The following DPYSL2 variants were observed in gnomAD, a reference collection of about 807,000 sequenced individuals.
DPYSL2 encodes the protein dihydropyrimidinase-related protein 2.
In DPYSL2, 13 loss-of-function variants were observed where a neutral mutation model predicts 69.9. The ratio of observed to expected loss-of-function variants is 0.19; its 90% CI spans 0.12 to 0.30. The LOEUF is 0.30. DPYSL2 is among the 10% of genes least tolerant of loss of function. The probability of loss-of-function intolerance (pLI) is 1.00; values close to 1 mark genes in which losing one functional copy is unlikely to be tolerated. For synonymous variants in DPYSL2, 326 were observed against 359.1 expected, an observed-to-expected ratio of 0.91 and a Z score of 1.04; for missense variants, 587 against 918.9, an observed-to-expected ratio of 0.64 and a Z score of 4.67.
chr8:26,612,224 T>A (rs59786362), intron 3 of DPYSL2, among the ~76,000 whole-genome samples: 11,024 of 152,190 alleles, frequency 0.072, 432 homozygotes, highest in Middle Eastern at 0.13. Flanking sequence ...CTGTCTGGGG[T>A]GACATCCTGA....
intron 11 of DPYSL2, among the ~76,000 whole-genome samples, chr8:26,649,160 G>A (rs1378495683): frequency 6.6e-6 from 1 of 152,178 alleles, no homozygotes; most frequent in East Asian, 1.9e-4. Flanking sequence ...ATAAATAAAC[G>A]GAGGCTTAGA....
At chr8:26,561,430 A>C (rs1034367911) in intron 1 of DPYSL2, among the ~76,000 whole-genome samples, 3 of 152,052 alleles carry the variant, frequency 2.0e-5, no homozygotes, top group Admixed American at 6.6e-5. Flanking sequence ...TTAAGCCCCA[A>C]CTTCTCACTT....
Position 26,629,206 on chromosome 8 carries a change from C to T in DPYSL2, c.1005+1266C>T, listed in dbSNP as rs545763530. ...ACATGTACACACAGACATAGGCACA[C>T]GCAGACAGGTAGGCACACAACAGAC... On this transcript the variant is annotated intron_variant, in intron 7 of 13. Transcript: ENST00000521913. 5.9e-5 allele frequency among the ~76,000 whole-genome samples: 9 copies of T among 151,884 alleles called. No homozygotes were observed. In the South Asian group the frequency reaches 1.2e-3, roughly 21 times the overall value.
At position 26,573,541 on chromosome 8, in the gene DPYSL2, C is replaced by T. The variant is rs576901200; in HGVS notation, c.355-8428C>T. On this transcript the variant is annotated intron_variant, in intron 1 of 13. Transcript: ENST00000521913. The stretch of plus-strand genomic sequence containing the variant: ...AAAATTAGCTGGGCGTGGTGGTAGG[C>T]ACCTGTAGTCCCAGCTACTCAGAGG... 1.1e-3 allele frequency among the ~76,000 whole-genome samples: 165 copies of T among 151,944 alleles called. 1 individual carries two copies. Among genetic ancestry groups the T allele is most frequent in the African/African-American group, 3.6e-3 (148 of 41,444 alleles).
Position 26,580,213 on chromosome 8 carries a change from G to A in DPYSL2, c.355-1756G>A, listed in dbSNP as rs1443427108. On this transcript the variant is annotated intron_variant, in intron 1 of 13. Transcript: ENST00000521913. The surrounding 1 kb of genome is among the most constrained non-coding windows in gnomAD (Gnocchi z 4.1). The stretch of plus-strand genomic sequence containing the variant: ...GGAGGCCTCTCCTTGCCTTCCAGGT[G>A]ATATTTATTCCATGGAAGCTTAGAG... Among the ~76,000 whole-genome samples the A allele has an allele frequency of 6.6e-6, 1 of 152,184 alleles. No homozygotes were observed. The highest frequency in any genetic ancestry group is 1.5e-5 in the Non-Finnish European group (1 of 68,036).
intron 7 of DPYSL2, among the ~76,000 whole-genome samples, chr8:26,632,134 G>A (rs1264337061): frequency 3.9e-5 from 6 of 152,140 alleles, no homozygotes; most frequent in African/African-American, 1.4e-4. Flanking sequence ...CACCCAGTAG[G>A]ATTTTCCCTC....
chr8:26,550,557 A>AATATAAAC (rs1800857817), intron 1 of DPYSL2, among the ~76,000 whole-genome samples: 1 of 152,118 alleles, frequency 6.6e-6, no homozygotes, highest in Non-Finnish European at 1.5e-5. Context: ...ACCCACCCTA[A>AATATAAAC]ATATAAAAAT....
chr8:26,542,057 G>A (rs531622673), intron 1 of DPYSL2, among the ~76,000 whole-genome samples: 1 of 152,288 alleles, frequency 6.6e-6, no homozygotes, highest in South Asian at 2.1e-4. Context: ...GATTGCTTGA[G>A]CCCAGGAGTT....
In DPYSL2 at chr8:26,610,698, C is replaced by T. The variant is rs78267081; in HGVS notation, c.629-13445C>T. On this transcript the variant is annotated intron_variant, in intron 3 of 13. Coordinates refer to ENST00000521913, the MANE Select transcript of DPYSL2 (RefSeq NM_001197293.3). This position sits in a 1 kb window ranked among gnomAD's most constrained non-coding sequence, Gnocchi z 4.5. ...CATAGAAGGGTGCATCTCGTCTCCC[C>T]ACAACAGCACTGGAAGGTGCTAGAA... 7.1e-3 allele frequency among the ~76,000 whole-genome samples: 1,075 copies of T among 152,280 alleles called. 4 individuals carry two copies. The highest frequency in any genetic ancestry group is 0.012 in the Non-Finnish European group (814 of 68,024).
At chr8:26,602,074 A>G (rs1196988249) in intron 3 of DPYSL2, among the ~76,000 whole-genome samples, 1 of 152,040 alleles carries the variant, frequency 6.6e-6, no homozygotes. Context: ...TTTAGATAAA[A>G]CAGAATACTT....
chr8:26,528,608 C>A (rs1808527631), intron 1 of DPYSL2, among the ~76,000 whole-genome samples: 1 of 149,586 alleles, frequency 6.7e-6, no homozygotes, highest in Admixed American at 6.7e-5. Flanking sequence ...GATCGCGCCA[C>A]TGCACTCCAG....
chr8:26,618,479 ATG>A (rs1388513244), intron 3 of DPYSL2, among the ~76,000 whole-genome samples: 11 of 122,022 alleles, frequency 9.0e-5, no homozygotes, highest in Non-Finnish European at 1.3e-4. Flanking sequence ...TGCCCGGGTA[ATG>A]TTTTTTTTTT....
At chr8:26,632,338 A>T (rs964958160) in intron 7 of DPYSL2, among the ~76,000 whole-genome samples, 3 of 152,250 alleles carry the variant, frequency 2.0e-5, no homozygotes, top group African/African-American at 7.2e-5. Context: ...AAAGAGGTAG[A>T]CAGAAAGTGA....
rs1239441648 is a variant in DPYSL2, at chr8:26,640,224, A to G, written c.1127-3215A>G. ...GCAGCCTTCCATTTATTCTTCATGA[A>G]TGCACACGGGCCCCAGACTGGTTGT... is the stretch of plus-strand genomic sequence containing the variant. On this transcript the variant is annotated intron_variant, in intron 8 of 13. Transcript: ENST00000521913. This position sits in a 1 kb window ranked among gnomAD's most constrained non-coding sequence, Gnocchi z 4.2. 6.6e-6 allele frequency among the ~76,000 whole-genome samples: 1 copy of G among 152,192 alleles called. No homozygotes were observed. The highest frequency in any genetic ancestry group is 1.5e-5 in the Non-Finnish European group (1 of 68,042).
chr8:26,636,718 C>T (rs1036217433), intron 8 of DPYSL2, among the ~76,000 whole-genome samples: 1 of 151,914 alleles, frequency 6.6e-6, no homozygotes, highest in Admixed American at 6.6e-5. Flanking sequence ...TGCCTGGTAG[C>T]CCCCGTTGTT....
chr8:26,540,700 G>A (rs1800665390), intron 1 of DPYSL2, among the ~76,000 whole-genome samples: 1 of 152,274 alleles, frequency 6.6e-6, no homozygotes, highest in Non-Finnish European at 1.5e-5. Context: ...GAAGTTGGGA[G>A]TTCGAGACCA....
chr8:26,631,579 G>T (rs1460323975), intron 7 of DPYSL2, among the ~76,000 whole-genome samples: 3 of 152,206 alleles, frequency 2.0e-5, no homozygotes, highest in Non-Finnish European at 2.9e-5. Flanking sequence ...ATTTTTACGT[G>T]ATTAGGCCCA....
rs1208285451 is a variant in DPYSL2 at position 26,624,356 on chromosome 8, C to T, written c.793+49C>T. 1.3e-6 allele frequency: 2 copies of T among 1,592,720 alleles called. No individual in the cohort carries two copies. The highest frequency in any genetic ancestry group is 1.1e-5 in the South Asian group (1 of 88,586). On this transcript the variant is annotated intron_variant, in intron 4 of 13. Transcript: ENST00000521913. This position sits in a 1 kb window ranked among gnomAD's most constrained non-coding sequence, Gnocchi z 4.7. ...CTCTGCAGATGTTTCCGCTTCAGTCCATCAACTGGCACAGCCCTGGGAAGA... is the reference window on the plus strand; with the variant it reads ...CTCTGCAGATGTTTCCGCTTCAGTCTATCAACTGGCACAGCCCTGGGAAGA...
intron 13 of DPYSL2, 93 bp from the exon 14 acceptor site, chr8:26,655,520 CTT>C (rs1803365225): frequency 8.6e-7 from 1 of 1,159,462 alleles, no homozygotes; most frequent in Non-Finnish European, 1.2e-6. Flanking sequence ...GCGACTAGCA[CTT>C]TTCCTCCTGA....
Sources: gnomAD v4.1 joint callset for allele counts (sites outside exome capture counted in the v4.1 genomes callset) on GRCh38, gnomAD v4.1.1 for gene constraint, Gnocchi (gnomAD v3.1) non-coding constraint, MANE v1.5 for transcripts, NCBI Gene and HGNC (gene_info 2026-07-23, HGNC 2026-07-21) for gene names.